Variants in INPP5B observed in about 807,000 individuals in gnomAD.
INPP5B encodes type II inositol 1,4,5-trisphosphate 5-phosphatase.
INPP5B carries 90 observed loss-of-function variants against 118.5 expected under a neutral mutation model. The ratio of observed to expected loss-of-function variants is 0.76; its 90% CI spans 0.64 to 0.90. The LOEUF is 0.90. Among genes scored for constraint, INPP5B ranks in the 40% least tolerant of loss-of-function variants. The pLI, the probability that INPP5B is intolerant of heterozygous loss-of-function variation, is 0.00. For missense variants in INPP5B, 984 were observed against 1,125.6 expected (o/e 0.87, Z 1.80); for synonymous variants, 385 against 418.9 (o/e 0.92, Z 0.99).
intron 22 of INPP5B, among the ~76,000 whole-genome samples, chr1:37,865,388 G>A (rs903238957): frequency 6.6e-6 from 1 of 152,192 alleles, no homozygotes; most frequent in African/African-American, 2.4e-5. Flanking sequence ...CATGACAATA[G>A]CTTTAGAATA....
chr1:37,885,527 AC>A lies in INPP5B; in HGVS notation c.1319+110del, dbSNP rs1276951843. On this transcript the variant is annotated intron_variant, in intron 13 of 23. Coordinates refer to ENST00000373024, the MANE Select transcript of INPP5B (RefSeq NM_005540.3). ...CATGTATAACCAAGAGGTGGGAGCT[AC>A]CACCATTGCAGCAATAGGAAACCAC... 4.8e-6 allele frequency: 4 copies of A among 832,310 alleles called. No individual in the cohort carries two copies. The East Asian group carries it at 9.9e-5, about 21-fold the overall frequency. 51.6% of individuals were successfully genotyped at this position (832,310 alleles called of 1,614,324 possible).
rs1230016041 is a variant in INPP5B, at chr1:37,896,844, G to A, written c.533-5390C>T. On this transcript the variant is annotated intron_variant, in intron 7 of 23. Coordinates refer to ENST00000373024, the MANE Select transcript of INPP5B (RefSeq NM_005540.3). ...AGGTGAGGGGCGCCTCTGCCTAGCC[G>A]CCCCTACGGGGAAGTGAGGAGCCCC... is the stretch of plus-strand genomic sequence containing the variant. 8.1e-5 allele frequency among the ~76,000 whole-genome samples: 11 copies of A among 136,398 alleles called. 1 individual carries two copies. The highest frequency in any genetic ancestry group is 2.4e-4 in the South Asian group (1 of 4,180). The allele number at this position is 136,398 out of a possible 152,430, so 89.5% of individuals were successfully genotyped here. A position where few individuals can be genotyped will look rare whatever the true frequency, so the allele number is the denominator to read the frequency against.
intron 7 of INPP5B, among the ~76,000 whole-genome samples, chr1:37,921,697 A>AT (rs981293715): frequency 6.6e-6 from 1 of 152,082 alleles, no homozygotes; most frequent in Non-Finnish European, 1.5e-5. Context: ...AAATACAAAA[A>AT]TTTTTTAAAA....
intron 7 of INPP5B, among the ~76,000 whole-genome samples, chr1:37,906,847 A>G (rs1434634537): frequency 3.5e-5 from 5 of 142,094 alleles, no homozygotes; most frequent in African/African-American, 1.4e-4. Flanking sequence ...GCAACAGAGT[A>G]AGACTCTGTC....
chr1:37,909,589 A>C (rs1356126391), intron 7 of INPP5B, among the ~76,000 whole-genome samples: 1 of 152,180 alleles, frequency 6.6e-6, no homozygotes, highest in African/African-American at 2.4e-5. Flanking sequence ...ATGAAAACCC[A>C]GCCCAGTCCA....
intron 17 of INPP5B, 149 bp downstream of exon 17, chr1:37,875,457 A>G: frequency 3.5e-6 from 2 of 572,390 alleles, no homozygotes; most frequent in South Asian, 2.0e-5. Context: ...TTTAGTAGAG[A>G]CAGGGTTTCA....
chr1:37,863,218 A>T (rs35778454), intron 23 of INPP5B, among the ~76,000 whole-genome samples: 67,524 of 132,238 alleles, frequency 0.51, 15,878 homozygotes, highest in Non-Finnish European at 0.62. Flanking sequence ...CCCTTTAAAA[A>T]AAAAAAAAAA....
intron 7 of INPP5B, among the ~76,000 whole-genome samples, chr1:37,902,260 T>A (rs1411158675): frequency 6.6e-6 from 1 of 152,196 alleles, no homozygotes; most frequent in African/African-American, 2.4e-5. Flanking sequence ...GTGCTAGGAT[T>A]ACAGGCGTGA....
At chr1:37,904,800 C>T (rs1176935144) in intron 7 of INPP5B, among the ~76,000 whole-genome samples, 1 of 151,654 alleles carries the variant, frequency 6.6e-6, no homozygotes, top group African/African-American at 2.4e-5. Flanking sequence ...TAGCTCGAAC[C>T]CAGGAGGCAG....
intron 23 of INPP5B, among the ~76,000 whole-genome samples, chr1:37,863,397 C>T (rs1641826432): frequency 6.6e-6 from 1 of 152,050 alleles, no homozygotes; most frequent in Admixed American, 6.6e-5. Context: ...CGCCTGTAGT[C>T]CCAGCTACTC....
chr1:37,931,311 C>A, intron 7 of INPP5B: 1 of 748,986 alleles, frequency 1.3e-6, no homozygotes, highest in Non-Finnish European at 2.0e-6. Flanking sequence ...CTCCCCCACC[C>A]GCCCCACGCG....
chr1:37,945,546 C>G lies in INPP5B; in HGVS notation c.152+210G>C, dbSNP rs117158210. On this transcript the variant is annotated intron_variant, in intron 3 of 23. Coordinates refer to ENST00000373024, the MANE Select transcript of INPP5B (RefSeq NM_005540.3). ...ACTAGTATGTTAAACTGTCTCTTCT[C>G]AAGAAACTTCCTCCTTAGATCTTGA... 2.0e-5 allele frequency among the ~76,000 whole-genome samples: 3 copies of G among 152,342 alleles called. No individual in the cohort carries two copies. In the East Asian group the frequency reaches 5.8e-4, roughly 29 times the overall value.
intron 5 of INPP5B, chr1:37,941,958 A>AAAAAAAAAATATATATATATAT (rs1427344681): frequency 9.9e-5 from 3 of 30,384 alleles, no homozygotes; most frequent in African/African-American, 3.0e-4. Context: ...AAAAAAAAAA[A>AAAAAAAAAATATATATATATAT]ATATATATAT....
intron 13 of INPP5B, among the ~76,000 whole-genome samples, chr1:37,885,319 C>T (rs1557645792): frequency 6.6e-6 from 1 of 151,804 alleles, no homozygotes; most frequent in Non-Finnish European, 1.5e-5. Flanking sequence ...GAGGCTGAGG[C>T]AGGAGAACGG....
intron 7 of INPP5B, chr1:37,931,341 A>G: frequency 9.5e-7 from 1 of 1,054,650 alleles, no homozygotes; most frequent in Non-Finnish European, 1.3e-6. Context: ...GAAGATCAGG[A>G]TTGAAGAGCA....
At chr1:37,896,241 C>T (rs1396780850) in intron 7 of INPP5B, among the ~76,000 whole-genome samples, 4 of 147,454 alleles carry the variant, frequency 2.7e-5, no homozygotes, top group African/African-American at 7.5e-5. Context: ...GCCTGGCAAC[C>T]GCCCCGTCTG....
chr1:37,906,588 G>A (rs970736724), intron 7 of INPP5B, among the ~76,000 whole-genome samples: 2 of 152,112 alleles, frequency 1.3e-5, no homozygotes, highest in African/African-American at 4.8e-5. Context: ...GGGCATGGTG[G>A]CTCACACCTG....
intron 7 of INPP5B, among the ~76,000 whole-genome samples, chr1:37,902,178 G>A (rs1313822545): frequency 1.3e-5 from 2 of 151,888 alleles, no homozygotes; most frequent in East Asian, 1.9e-4. Flanking sequence ...GTAGAAACGG[G>A]GTTTCACCAT....
intron 7 of INPP5B, among the ~76,000 whole-genome samples, chr1:37,911,367 G>T (rs28868665): frequency 1.9e-4 from 29 of 152,000 alleles, no homozygotes; most frequent in Middle Eastern, 3.4e-3. Flanking sequence ...ACATTATTCC[G>T]GATACCACAC....
Sources: gnomAD v4.1 joint callset for allele counts (sites outside exome capture counted in the v4.1 genomes callset) on GRCh38, gnomAD v4.1.1 for gene constraint, MANE v1.5 for transcripts, NCBI Gene and HGNC (gene_info 2026-07-23, HGNC 2026-07-21) for gene names.